Variants in NTN1 observed in about 807,000 individuals in gnomAD.
NTN1 encodes the protein netrin-1.
NTN1 carries 11 observed loss-of-function variants against 54.2 expected under a neutral mutation model. The ratio of observed to expected loss-of-function variants is 0.20; its 90% CI spans 0.13 to 0.34. The LOEUF is 0.34. Among genes scored for constraint, NTN1 ranks in the 10% least tolerant of loss-of-function variants. The pLI is 1.00. For missense variants in NTN1, 740 were observed against 893.1 expected (o/e 0.83, Z 2.18); for synonymous variants, 371 against 382.0 (o/e 0.97, Z 0.33).
the NTN1 span, among the ~76,000 whole-genome samples, chr17:9,009,990 C>T: frequency 9.8e-5 from 15 of 152,300 alleles, no homozygotes; most frequent in South Asian, 3.1e-3. Context: ...CGCCTCTGTC[C>T]TTCTCTAACT....
intron 5 of NTN1, among the ~76,000 whole-genome samples, chr17:9,201,849 A>G (rs2142337196): frequency 6.6e-6 from 1 of 151,914 alleles, no homozygotes; most frequent in South Asian, 2.1e-4. Flanking sequence ...GCAGTTAGAA[A>G]TCCCGTGTCT....
Position 9,227,927 on chromosome 17 carries a change from A to G in NTN1, c.1486+6685A>G, listed in dbSNP as rs1196615776. 3.3e-5 allele frequency among the ~76,000 whole-genome samples: 5 copies of G among 151,866 alleles called. No homozygotes were observed. In the East Asian group the frequency reaches 5.8e-4, roughly 18 times the overall value. On this transcript the variant is annotated intron_variant, in intron 6 of 6. Transcript: ENST00000173229. ...CATACCACTACACACAGCATCACAC[A>G]TGCACACACCATTACACACACACCA... is the stretch of plus-strand genomic sequence containing the variant.
chr17:9,223,158 C>T (rs558625105), intron 6 of NTN1, among the ~76,000 whole-genome samples: 18 of 152,296 alleles, frequency 1.2e-4, no homozygotes, highest in African/African-American at 2.2e-4. Context: ...CCACCTCCCA[C>T]GGGAAAATAA....
intron 5 of NTN1, among the ~76,000 whole-genome samples, chr17:9,220,361 GAAGCTGTCACACA>G (rs1251626784): frequency 1.3e-5 from 2 of 152,258 alleles, no homozygotes; most frequent in Non-Finnish European, 2.9e-5. Flanking sequence ...GCCGTCACGT[GAAGCTGTCACACA>G]CAGACTTGGC....
intron 3 of NTN1, among the ~76,000 whole-genome samples, chr17:9,168,816 C>T (rs1343206749): frequency 1.3e-5 from 2 of 152,142 alleles, no homozygotes; most frequent in East Asian, 3.9e-4. Context: ...ATTTCCATTA[C>T]CTGTATTTAT....
At chr17:9,019,364 TA>T (rs2091838590), upstream of NTN1, among the ~76,000 whole-genome samples, 1 of 152,238 alleles carries the variant, frequency 6.6e-6, no homozygotes, top group Non-Finnish European at 1.5e-5. Flanking sequence ...TTTTTCATAT[TA>T]TAATATGTCA....
chr17:9,227,974 G>T (rs993239961), intron 6 of NTN1, among the ~76,000 whole-genome samples: 2 of 152,108 alleles, frequency 1.3e-5, no homozygotes, highest in African/African-American at 4.8e-5. Context: ...CACATCCCGA[G>T]AAGTCCTGGC....
chr17:9,182,896 C>G lies in NTN1; in HGVS notation c.1358-20C>G, dbSNP rs748153880. On this transcript the variant is annotated intron_variant, in intron 4 of 6. Transcript: ENST00000173229. ...CTTGTTTTCTCTCCTCCCCTCGCCC[C>G]CGTCTTGAACCTCACAAAGAGATCC... 4 of 1,613,950 alleles carry G rather than the reference C, an allele frequency of 2.5e-6. No homozygotes were observed. The highest frequency in any genetic ancestry group is 8.5e-7 in the Non-Finnish European group (1 of 1,179,856).
chr17:9,054,766 C>T (rs549848814), intron 2 of NTN1, among the ~76,000 whole-genome samples: 5 of 150,960 alleles, frequency 3.3e-5, no homozygotes, highest in East Asian at 2.0e-4. Flanking sequence ...GGCCCGGAGC[C>T]GGAGTCCGTC....
intron 2 of NTN1, among the ~76,000 whole-genome samples, chr17:9,082,486 T>G (rs2092074612): frequency 6.6e-6 from 1 of 152,226 alleles, no homozygotes; most frequent in Non-Finnish European, 1.5e-5. Context: ...AGTTGAGTTT[T>G]CATAGAAACA....
intron 2 of NTN1, among the ~76,000 whole-genome samples, chr17:9,064,817 G>A (rs2092009718): frequency 6.6e-6 from 1 of 152,102 alleles, no homozygotes; most frequent in Non-Finnish European, 1.5e-5. Flanking sequence ...TCAGGCAGGA[G>A]TGCTGATCAC....
intron 5 of NTN1, among the ~76,000 whole-genome samples, chr17:9,199,111 G>T (rs1365383813): frequency 6.6e-6 from 1 of 152,200 alleles, no homozygotes; most frequent in Non-Finnish European, 1.5e-5. Context: ...AGCTCAGATA[G>T]TATAGTCCAG....
Position 9,124,215 on chromosome 17 carries a change from T to C in NTN1, c.1019-38598T>C, listed in dbSNP as rs542642559. On this transcript the variant is annotated intron_variant, in intron 2 of 6. Coordinates refer to ENST00000173229, the MANE Select transcript of NTN1 (RefSeq NM_004822.3). ...CTCATGTTCTCTGACTTCTAGACGC[T>C]TTTCTTCCATAATTGGGTGTGCCGG... is the stretch of plus-strand genomic sequence containing the variant. 8.5e-5 allele frequency among the ~76,000 whole-genome samples: 13 copies of C among 152,354 alleles called. No homozygotes were observed. In the South Asian group the frequency reaches 2.3e-3, roughly 27 times the overall value.
the NTN1 span, among the ~76,000 whole-genome samples, chr17:9,011,234 C>T: frequency 1.3e-5 from 2 of 152,272 alleles, no homozygotes; most frequent in African/African-American, 4.8e-5. Context: ...TGTGTGGCCT[C>T]GTTCCTAACA....
chr17:9,053,901 T>C (rs1220937923), intron 2 of NTN1, among the ~76,000 whole-genome samples: 1 of 152,098 alleles, frequency 6.6e-6, no homozygotes, highest in East Asian at 1.9e-4. Flanking sequence ...CTCATGAAGG[T>C]GGGCCATGCT....
At chr17:9,158,064 TAAAAC>T (rs1175959362) in intron 2 of NTN1, among the ~76,000 whole-genome samples, 2 of 151,926 alleles carry the variant, frequency 1.3e-5, no homozygotes, top group Non-Finnish European at 2.9e-5. Context: ...GCAGAGAAAA[TAAAAC>T]AAAGAGAAAA....
chr17:9,217,345 T>G (rs1430893034), intron 5 of NTN1, among the ~76,000 whole-genome samples: 1 of 152,220 alleles, frequency 6.6e-6, no homozygotes, highest in Non-Finnish European at 1.5e-5. Context: ...TGGGTCATCA[T>G]CAGTTTCGTT....
intron 2 of NTN1, among the ~76,000 whole-genome samples, chr17:9,078,400 A>G (rs2092058949): frequency 6.6e-6 from 1 of 152,238 alleles, no homozygotes; most frequent in Non-Finnish European, 1.5e-5. Context: ...TGGACATGGC[A>G]CAAAGGCTGG....
At chr17:9,108,262 A>G (rs961894517) in intron 2 of NTN1, among the ~76,000 whole-genome samples, 18 of 152,186 alleles carry the variant, frequency 1.2e-4, no homozygotes, top group Non-Finnish European at 2.1e-4. Flanking sequence ...GGCTGCTACA[A>G]TCAGGAAGTT....
Sources: gnomAD v4.1 joint callset for allele counts (sites outside exome capture counted in the v4.1 genomes callset) on GRCh38, gnomAD v4.1.1 for gene constraint, MANE v1.5 for transcripts, NCBI Gene and HGNC (gene_info 2026-07-23, HGNC 2026-07-21) for gene names.